The following ZNF804A variants were observed in gnomAD, a reference collection of about 807,000 sequenced individuals.
The protein encoded by ZNF804A is zinc finger protein 804A.
In ZNF804A, 2 loss-of-function variants were observed where a neutral mutation model predicts 16.5. The observed-to-expected ratio is 0.12, with a 90% CI of 0.05 to 0.38. ZNF804A has a LOEUF of 0.38. ZNF804A is among the 10% of genes least tolerant of loss of function. The probability of loss-of-function intolerance (pLI) is 0.99; values close to 1 mark genes in which losing one functional copy is unlikely to be tolerated. For missense variants in ZNF804A, 1,473 were observed against 1,390.7 expected, an observed-to-expected ratio of 1.06 and a Z score of -0.94; for synonymous variants, 534 against 489.6, an observed-to-expected ratio of 1.09 and a Z score of -1.20.
At chr2:184,925,918 A>T (rs1027812717) in intron 2 of ZNF804A, among the ~76,000 whole-genome samples, 3 of 151,424 alleles carry the variant, frequency 2.0e-5, no homozygotes, top group East Asian at 3.9e-4. Flanking sequence ...TATCTTTTTT[A>T]TTCTTTTCTT....
At chr2:184,815,606 T>C (rs1574225251) in intron 1 of ZNF804A, among the ~76,000 whole-genome samples, 1 of 151,978 alleles carries the variant, frequency 6.6e-6, no homozygotes, top group East Asian at 1.9e-4. Context: ...TATATGCTAG[T>C]CTTATTATTT....
In ZNF804A at chr2:184,641,504, T is replaced by C. The variant is rs549023680; in HGVS notation, c.111+42434T>C. 8.8e-4 allele frequency among the ~76,000 whole-genome samples: 134 copies of C among 152,140 alleles called. 1 individual carries two copies. Among genetic ancestry groups the C allele is most frequent in the Non-Finnish European group, 1.4e-3 (97 of 68,026 alleles). ...GGTGGTGGTTGAGCAGGTGTACAAA[T>C]TTGTCAACTCAAAAATGTATGCTTA... On this transcript the variant is annotated intron_variant, in intron 1 of 3. Coordinates refer to ENST00000302277, the MANE Select transcript of ZNF804A (RefSeq NM_194250.2).
In ZNF804A at chr2:184,725,242, T is replaced by A. The variant is rs1693388586; in HGVS notation, c.111+126172T>A. Reference sequence around the variant, plus strand: ...TGCTGTAAGTATACATAGAGAGTGCTACTGAAGCATGTAAGAGTTGATTAT... The same window carrying A: ...TGCTGTAAGTATACATAGAGAGTGCAACTGAAGCATGTAAGAGTTGATTAT... On this transcript the variant is annotated intron_variant, in intron 1 of 3. Transcript: ENST00000302277. 3.3e-5 allele frequency among the ~76,000 whole-genome samples: 5 copies of A among 151,812 alleles called. No individual in the cohort carries two copies. In the South Asian group the frequency reaches 1.0e-3, roughly 31 times the overall value.
intron 1 of ZNF804A, among the ~76,000 whole-genome samples, chr2:184,805,753 G>A (rs1428390034): frequency 6.6e-6 from 1 of 151,988 alleles, no homozygotes; most frequent in Non-Finnish European, 1.5e-5. Flanking sequence ...AATATTTGAG[G>A]AGTTTGAGAT....
In ZNF804A at chr2:184,938,657, G is replaced by C. The variant is rs750043106; in HGVS notation, c.3261G>C (p.Gln1087His). 6.2e-7 allele frequency: 1 copy of C among 1,613,926 alleles called. No individual in the cohort carries two copies. The highest frequency in any genetic ancestry group is 8.5e-7 in the Non-Finnish European group (1 of 1,179,968). ...CACCTCTGCAGCCTTTGCCTTTGCA[G>C]CAGTCCTTATGTTCTACCTCTGTAA... ...PSTPLQPLPL[Q>H]QSLCSTSVTT... is the part of the protein sequence containing the mutation. Residue 1087 changes from glutamine (Q) to histidine (H), a missense_variant, in exon 4 of 4, where the codon CAG (glutamine) becomes CAC (histidine). Transcript: ENST00000302277.
chr2:184,759,834 G>A (rs1694015843), intron 1 of ZNF804A, among the ~76,000 whole-genome samples: 1 of 152,020 alleles, frequency 6.6e-6, no homozygotes, highest in Admixed American at 6.6e-5. Context: ...CTGCCCGCCA[G>A]AGAACAACCC....
intron 2 of ZNF804A, among the ~76,000 whole-genome samples, chr2:184,873,693 G>T (rs548474848): frequency 6.6e-6 from 1 of 152,026 alleles, no homozygotes; most frequent in Non-Finnish European, 1.5e-5. Flanking sequence ...AATAGAAATG[G>T]CCCAGTAGAA....
At chr2:184,634,267 A>C (rs1373892656) in intron 1 of ZNF804A, among the ~76,000 whole-genome samples, 1 of 152,156 alleles carries the variant, frequency 6.6e-6, no homozygotes, top group Non-Finnish European at 1.5e-5. Flanking sequence ...ACCATACCCA[A>C]ATTTGGTTAT....
intron 2 of ZNF804A, among the ~76,000 whole-genome samples, chr2:184,894,777 C>T (rs1284887905): frequency 6.6e-6 from 1 of 152,024 alleles, no homozygotes; most frequent in East Asian, 1.9e-4. Flanking sequence ...GCTTCGCCTC[C>T]CAGGTTCACG....
intron 2 of ZNF804A, among the ~76,000 whole-genome samples, chr2:184,891,540 A>C (rs1424823479): frequency 2.0e-5 from 3 of 151,764 alleles, no homozygotes; most frequent in Non-Finnish European, 4.4e-5. Flanking sequence ...TGTCTATTTG[A>C]CATATTATTT....
At chr2:184,810,113 A>G (rs1028018795) in intron 1 of ZNF804A, among the ~76,000 whole-genome samples, 1 of 152,204 alleles carries the variant, frequency 6.6e-6, no homozygotes, top group Non-Finnish European at 1.5e-5. Context: ...AACTTAGTGA[A>G]GTAAGTTTTA....
At chr2:184,855,606 A>T (rs1291197752) in intron 1 of ZNF804A, among the ~76,000 whole-genome samples, 1 of 129,670 alleles carries the variant, frequency 7.7e-6, no homozygotes, top group Non-Finnish European at 1.6e-5. Context: ...ATACACATAT[A>T]TATATATATA....
intron 1 of ZNF804A, among the ~76,000 whole-genome samples, chr2:184,722,639 A>G (rs576255454): frequency 2.0e-5 from 3 of 152,128 alleles, no homozygotes; most frequent in Admixed American, 2.0e-4. Context: ...AAAGTCAAAT[A>G]ACACCACTGA....
At chr2:184,827,715 G>C (rs1203230905) in intron 1 of ZNF804A, among the ~76,000 whole-genome samples, 1 of 151,112 alleles carries the variant, frequency 6.6e-6, no homozygotes, top group Non-Finnish European at 1.5e-5. Flanking sequence ...ATATATACAA[G>C]ATTCATCCAG....
At chr2:184,836,587 CTT>C (rs1230160632) in intron 1 of ZNF804A, among the ~76,000 whole-genome samples, 4 of 151,670 alleles carry the variant, frequency 2.6e-5, no homozygotes, top group Admixed American at 6.6e-5. Context: ...GAATTGTGTT[CTT>C]AAAATCAATA....
chr2:184,610,098 A>G (rs1691211826), intron 1 of ZNF804A, among the ~76,000 whole-genome samples: 1 of 152,112 alleles, frequency 6.6e-6, no homozygotes, highest in Admixed American at 6.5e-5. Context: ...TATTAAAAAA[A>G]TGGATCTGTT....
At chr2:184,868,624 A>C (rs1379389975) in intron 2 of ZNF804A, among the ~76,000 whole-genome samples, 1 of 152,100 alleles carries the variant, frequency 6.6e-6, no homozygotes, top group African/African-American at 2.4e-5. Flanking sequence ...AAGAGAGAAC[A>C]AAACAAACTT....
chr2:184,840,016 T>A (rs1187860496), intron 1 of ZNF804A, among the ~76,000 whole-genome samples: 2 of 152,178 alleles, frequency 1.3e-5, no homozygotes, highest in Admixed American at 6.6e-5. Flanking sequence ...AAGAATTTTT[T>A]AATTATTGGA....
intron 1 of ZNF804A, among the ~76,000 whole-genome samples, chr2:184,866,076 T>G (rs546626168): frequency 1.3e-5 from 2 of 152,224 alleles, no homozygotes; most frequent in African/African-American, 4.8e-5. Flanking sequence ...TCAGTTTTTA[T>G]GCTAACCTAG....
Sources: allele counts gnomAD v4.1 joint callset (sites outside exome capture counted in the v4.1 genomes callset), GRCh38; gene constraint gnomAD v4.1.1; transcripts MANE v1.5; gene names NCBI Gene and HGNC (gene_info 2026-07-23, HGNC 2026-07-21).